Variants in YAP1 observed in about 807,000 individuals in gnomAD.
The protein encoded by YAP1 is transcriptional coactivator YAP1.
YAP1 carries 5 observed loss-of-function variants against 56.9 expected under a neutral mutation model. That is an observed-to-expected ratio of 0.09 (90% CI 0.05 to 0.18). YAP1 has a LOEUF of 0.18. YAP1 is among the 10% of genes least tolerant of loss of function. The pLI, the probability that YAP1 is intolerant of heterozygous loss-of-function variation, is 1.00. For missense variants in YAP1, 539 were observed against 651.8 expected (o/e 0.83, Z 1.88); for synonymous variants, 265 against 248.1 (o/e 1.07, Z -0.64).
chr11:102,148,810 T>A (rs1565458987), intron 2 of YAP1, among the ~76,000 whole-genome samples: 1 of 152,106 alleles, frequency 6.6e-6, no homozygotes, highest in South Asian at 2.1e-4. Flanking sequence ...GGAGGAAATG[T>A]TTGAAAGTAT....
intron 2 of YAP1, among the ~76,000 whole-genome samples, chr11:102,158,993 T>C (rs1946114352): frequency 6.6e-6 from 1 of 152,268 alleles, no homozygotes; most frequent in Non-Finnish European, 1.5e-5. Flanking sequence ...CAGAACCGAC[T>C]ATCTTATGGC....
intron 2 of YAP1, among the ~76,000 whole-genome samples, chr11:102,122,895 CAAAAAAA>C (rs56934997): frequency 1.3e-5 from 1 of 79,448 alleles, no homozygotes; most frequent in African/African-American, 4.7e-5. Flanking sequence ...AGACTTCTCT[CAAAAAAA>C]AAAAAAAAAA....
At position 102,110,992 on chromosome 11, in the gene YAP1, C is replaced by G. The variant is rs745691073; in HGVS notation, c.144C>G (p.Pro48=). Reference sequence around the variant, plus strand: ...CGACCCAGGCGGCGCCGCAGGCACCCCCCGCCGGGCATCAGATCGTGCACG... The same window carrying G: ...CGACCCAGGCGGCGCCGCAGGCACCGCCCGCCGGGCATCAGATCGTGCACG... The part of the protein sequence containing the change: ...PAATQAAPQA[P]PAGHQIVHVR... Residue 48 remains proline, a synonymous_variant, in exon 1 of 9, where the codon CCC becomes CCG. Transcript: ENST00000282441. 4.5e-6 allele frequency: 7 copies of G among 1,557,710 alleles called. No homozygotes were observed. Among genetic ancestry groups the G allele is most frequent in the Non-Finnish European group, 6.1e-6 (7 of 1,154,848 alleles).
intron 6 of YAP1, among the ~76,000 whole-genome samples, chr11:102,210,709 C>T (rs1391549606): frequency 1.3e-5 from 2 of 151,978 alleles, no homozygotes; most frequent in Non-Finnish European, 2.9e-5. Context: ...TTTTTCTTTG[C>T]CATTTCTCTG....
chr11:102,192,811 T>G (rs1462767747), intron 4 of YAP1, among the ~76,000 whole-genome samples: 5 of 152,200 alleles, frequency 3.3e-5, no homozygotes, highest in African/African-American at 1.2e-4. Context: ...TTAACTTTGG[T>G]CCTCTGGTCA....
chr11:102,150,777 T>C (rs1945593334), intron 2 of YAP1, among the ~76,000 whole-genome samples: 1 of 148,468 alleles, frequency 6.7e-6, no homozygotes, highest in African/African-American at 2.4e-5. Flanking sequence ...CAAATCTTTT[T>C]TCAGTGAAAA....
At chr11:102,129,313 G>A (rs1430248770) in intron 2 of YAP1, among the ~76,000 whole-genome samples, 1 of 152,016 alleles carries the variant, frequency 6.6e-6, no homozygotes, top group Non-Finnish European at 1.5e-5. Flanking sequence ...ATGAAGACTG[G>A]GTTTAGGTTA....
chr11:102,164,876 C>T (rs1289934442), intron 3 of YAP1, among the ~76,000 whole-genome samples: 2 of 152,184 alleles, frequency 1.3e-5, no homozygotes, highest in Non-Finnish European at 2.9e-5. Flanking sequence ...GAATGCGCCA[C>T]CACGCATGGC....
intron 4 of YAP1, among the ~76,000 whole-genome samples, chr11:102,193,842 T>C (rs2852878): frequency 6.6e-6 from 1 of 151,492 alleles, no homozygotes; most frequent in African/African-American, 2.4e-5. Context: ...GTTTGATTTT[T>C]GTTTTTTTTT....
At chr11:102,145,169 C>A (rs1945259473) in intron 2 of YAP1, among the ~76,000 whole-genome samples, 1 of 152,122 alleles carries the variant, frequency 6.6e-6, no homozygotes, top group African/African-American at 2.4e-5. Context: ...CCTCTTGATC[C>A]AGAGGCCAGG....
chr11:102,120,997 C>T (rs1389746083), intron 2 of YAP1, among the ~76,000 whole-genome samples: 4 of 151,940 alleles, frequency 2.6e-5, no homozygotes, highest in Non-Finnish European at 5.9e-5. Context: ...TGTGGGGGTT[C>T]TTTTGTTTTA....
chr11:102,181,272 C>T lies in YAP1; in HGVS notation c.689-4746C>T, dbSNP rs557091824. Among the ~76,000 whole-genome samples the T allele has an allele frequency of 6.6e-5, 10 of 151,922 alleles. No individual in the cohort carries two copies. The East Asian group carries it at 7.7e-4, about 12-fold the overall frequency. ...AATCCTGGCTAACACGGTGAAACCC[C>T]GTCTCTACTAAAAATACAAAAAAAT... On this transcript the variant is annotated intron_variant, in intron 3 of 8. Transcript: ENST00000282441.
intron 2 of YAP1, among the ~76,000 whole-genome samples, chr11:102,140,897 G>C (rs1269294022): frequency 1.3e-5 from 2 of 151,952 alleles, no homozygotes; most frequent in Admixed American, 6.6e-5. Flanking sequence ...CAGTAAGATT[G>C]GGTGAAATAG....
chr11:102,131,832 G>A (rs188045405), intron 2 of YAP1, among the ~76,000 whole-genome samples: 1 of 152,278 alleles, frequency 6.6e-6, no homozygotes, highest in Non-Finnish European at 1.5e-5. Context: ...AGTTCACTTT[G>A]TGGTATTATA....
At chr11:102,227,933 G>T (rs527582005) in intron 8 of YAP1, among the ~76,000 whole-genome samples, 2 of 151,766 alleles carry the variant, frequency 1.3e-5, no homozygotes, top group East Asian at 3.9e-4. Flanking sequence ...TAAGTCAGCT[G>T]TCATGGTACA....
At position 102,188,278 on chromosome 11, in the gene YAP1, A is replaced by G. The variant is rs1284377182; in HGVS notation, c.802+2147A>G. 5.9e-5 allele frequency among the ~76,000 whole-genome samples: 9 copies of G among 152,326 alleles called. No homozygotes were observed. In the South Asian group the frequency reaches 6.2e-4, roughly 11 times the overall value. On this transcript the variant is annotated intron_variant, in intron 4 of 8. Coordinates refer to ENST00000282441, the MANE Select transcript of YAP1 (RefSeq NM_001130145.3). ...TTGCTTTTCGATATTCTTCAAATCT[A>G]TATTAAAATATTTATCAATTTTTGG...
In YAP1 at chr11:102,186,159, G is replaced by T. The variant is rs571404907; in HGVS notation, c.802+28G>T. The stretch of plus-strand genomic sequence containing the variant: ...AAAGGTTCATCTCAAAACCTTTTTA[G>T]ATGCTTTTGGTTGCTAATTTTTTTT... On this transcript the variant is annotated intron_variant, in intron 4 of 8. Transcript: ENST00000282441. 41 of 1,605,334 alleles carry T rather than the reference G, an allele frequency of 2.6e-5. No homozygotes were observed. In the East Asian group the frequency reaches 7.4e-4, roughly 29 times the overall value.
At chr11:102,130,099 C>T (rs559699456) in intron 2 of YAP1, among the ~76,000 whole-genome samples, 48 of 152,124 alleles carry the variant, frequency 3.2e-4, no homozygotes, top group African/African-American at 1.1e-3. Flanking sequence ...AAACTGCATA[C>T]AAGCAAAACC....
At chr11:102,176,010 A>G (rs1947225787) in intron 3 of YAP1, among the ~76,000 whole-genome samples, 1 of 152,224 alleles carries the variant, frequency 6.6e-6, no homozygotes, top group Non-Finnish European at 1.5e-5. Context: ...GGTCAAGCAT[A>G]TGAATTTCAG....
Sources: allele counts gnomAD v4.1 joint callset (sites outside exome capture counted in the v4.1 genomes callset), GRCh38; gene constraint gnomAD v4.1.1; transcripts MANE v1.5; gene names NCBI Gene and HGNC (gene_info 2026-07-23, HGNC 2026-07-21).